The following LRP1B variants were observed in gnomAD, a reference collection of about 807,000 sequenced individuals.
LRP1B encodes LDL receptor related protein 1B.
In LRP1B, 217 loss-of-function variants were observed where a neutral mutation model predicts 556.6. That is an observed-to-expected ratio of 0.39 (90% CI 0.35 to 0.44). The LOEUF is 0.44. Among genes scored for constraint, LRP1B ranks in the 20% least tolerant of loss-of-function variants. LRP1B has a pLI of 1.00. For synonymous variants in LRP1B, 2,047 were observed against 1,865.8 expected (o/e 1.10, Z -2.50); for missense variants, 5,053 against 5,620.8 (o/e 0.90, Z 3.23).
At chr2:140,240,612 G>GA (rs1680909229) in intron 87 of LRP1B, among the ~76,000 whole-genome samples, 1 of 150,732 alleles carries the variant, frequency 6.6e-6, no homozygotes, top group South Asian at 2.1e-4. Context: ...TTTTCTTACT[G>GA]AAAAATATCT....
intron 63 of LRP1B, among the ~76,000 whole-genome samples, chr2:140,446,885 A>C (rs1309719270): frequency 6.6e-6 from 1 of 152,146 alleles, no homozygotes; most frequent in African/African-American, 2.4e-5. Flanking sequence ...GTAAAGAGAC[A>C]ATCTATGAAA....
chr2:141,831,563 A>G (rs187083228), intron 1 of LRP1B, among the ~76,000 whole-genome samples: 124 of 151,820 alleles, frequency 8.2e-4, no homozygotes, highest in Non-Finnish European at 5.3e-4. Flanking sequence ...TCATCATTCT[A>G]TACTGAATAT....
chr2:140,661,901 T>TA (rs58642100), intron 41 of LRP1B, among the ~76,000 whole-genome samples: 30,002 of 152,094 alleles, frequency 0.2, 3,600 homozygotes, highest in East Asian at 0.4. Flanking sequence ...TGTATAGCAT[T>TA]AAAATATGAG....
In LRP1B at chr2:140,891,731, G is replaced by T. The variant is rs545794728; in HGVS notation, c.3767-5396C>A. 9.2e-5 allele frequency among the ~76,000 whole-genome samples: 14 copies of T among 152,222 alleles called. No individual in the cohort carries two copies. The South Asian group carries it at 2.9e-3, about 32-fold the overall frequency. Reference sequence around the variant, plus strand: ...AGTATAATATACAGGTAGGCAGAGGGAATAGAATCAATAGAATGAAGGCCA... The same window carrying T: ...AGTATAATATACAGGTAGGCAGAGGTAATAGAATCAATAGAATGAAGGCCA... On this transcript the variant is annotated intron_variant, in intron 23 of 90. Transcript: ENST00000389484.
At chr2:140,440,319 C>T (rs1474187563) in intron 66 of LRP1B, among the ~76,000 whole-genome samples, 1 of 152,150 alleles carries the variant, frequency 6.6e-6, no homozygotes, top group African/African-American at 2.4e-5. Flanking sequence ...TGCAATCCTA[C>T]TCTACATCCT....
chr2:142,072,267 G>A (rs1011180789), intron 1 of LRP1B, among the ~76,000 whole-genome samples: 1 of 151,972 alleles, frequency 6.6e-6, no homozygotes, highest in Admixed American at 6.6e-5. Flanking sequence ...TACTAGGTAA[G>A]TTTTTCTTAC....
intron 9 of LRP1B, among the ~76,000 whole-genome samples, chr2:141,057,631 GCT>G (rs1188436135): frequency 6.6e-6 from 1 of 151,796 alleles, no homozygotes; most frequent in African/African-American, 2.4e-5. Context: ...TCCTGCACAA[GCT>G]CTCTGTCTGT....
At chr2:141,290,537 C>A (rs1039603993) in intron 3 of LRP1B, among the ~76,000 whole-genome samples, 4 of 152,124 alleles carry the variant, frequency 2.6e-5, no homozygotes, top group East Asian at 1.9e-4. Flanking sequence ...TCAAGCAGTG[C>A]GTAAAGTTAA....
At chr2:140,583,179 T>TTC (rs1558983660) in intron 43 of LRP1B, among the ~76,000 whole-genome samples, 1 of 142,194 alleles carries the variant, frequency 7.0e-6, no homozygotes, top group East Asian at 2.0e-4. Context: ...TTCTTTTTTT[T>TTC]TTTTTTTTTT....
intron 7 of LRP1B, among the ~76,000 whole-genome samples, chr2:141,106,021 G>C (rs1700594686): frequency 6.6e-6 from 1 of 152,090 alleles, no homozygotes; most frequent in Admixed American, 6.6e-5. Context: ...TTCCTGTCCA[G>C]AATAGAAAGT....
intron 27 of LRP1B, among the ~76,000 whole-genome samples, chr2:140,860,985 T>A (rs986731339): frequency 7.1e-6 from 1 of 140,900 alleles, no homozygotes; most frequent in Non-Finnish European, 1.6e-5. Context: ...CATCTATCTA[T>A]CTATCTATCT....
chr2:141,352,268 T>C, intron 3 of LRP1B, among the ~76,000 whole-genome samples: 1 of 151,882 alleles, frequency 6.6e-6, no homozygotes, highest in East Asian at 1.9e-4. Context: ...AAACAAAAAA[T>C]GTAACCACTG....
chr2:141,002,113 C>T (rs79125927), intron 15 of LRP1B, among the ~76,000 whole-genome samples: 2 of 151,818 alleles, frequency 1.3e-5, no homozygotes, highest in Non-Finnish European at 2.9e-5. Flanking sequence ...AAAAATAATA[C>T]CACAGAATAA....
intron 1 of LRP1B, among the ~76,000 whole-genome samples, 176 bp from the exon 2 acceptor site, chr2:141,810,577 G>T (rs1188441552): frequency 6.6e-6 from 1 of 152,036 alleles, no homozygotes; most frequent in Non-Finnish European, 1.5e-5. Flanking sequence ...CCACTCAGCT[G>T]AAACACACAA....
intron 7 of LRP1B, among the ~76,000 whole-genome samples, chr2:141,145,733 G>C (rs887316264): frequency 6.6e-6 from 1 of 151,288 alleles, no homozygotes; most frequent in Non-Finnish European, 1.5e-5. Flanking sequence ...GGGTTTCATC[G>C]TGTTGGTCAG....
At chr2:140,284,924 A>G (rs1271051575) in intron 84 of LRP1B, among the ~76,000 whole-genome samples, 1 of 150,714 alleles carries the variant, frequency 6.6e-6, no homozygotes, top group African/African-American at 2.4e-5. Context: ...ACCTAGATAT[A>G]CCTAGATATC....
intron 3 of LRP1B, among the ~76,000 whole-genome samples, chr2:141,361,432 T>C (rs2714174): frequency 0.49 from 73,811 of 151,966 alleles, 20,102 homozygotes; most frequent in Non-Finnish European, 0.63. Context: ...AAAGGAGATA[T>C]GCTGTTATAC....
chr2:140,281,918 T>C (rs1487623192), intron 84 of LRP1B, among the ~76,000 whole-genome samples: 1 of 151,782 alleles, frequency 6.6e-6, no homozygotes, highest in African/African-American at 2.4e-5. Context: ...GTATGAAATG[T>C]AGAATTTCCA....
intron 7 of LRP1B, among the ~76,000 whole-genome samples, chr2:141,071,458 C>T (rs1267163342): frequency 2.0e-5 from 3 of 152,096 alleles, no homozygotes; most frequent in Non-Finnish European, 4.4e-5. Flanking sequence ...GACAGGGATG[C>T]CCTCTCTCAC....
Sources: allele counts gnomAD v4.1 joint callset (sites outside exome capture counted in the v4.1 genomes callset), GRCh38; gene constraint gnomAD v4.1.1; transcripts MANE v1.5; gene names NCBI Gene and HGNC (gene_info 2026-07-23, HGNC 2026-07-21).